HOOK2: variants seen among roughly 807,000 people sequenced by gnomAD.
HOOK2 encodes the protein hook microtubule tethering protein 2.
In HOOK2, 108 loss-of-function variants were observed where a neutral mutation model predicts 111.9. The observed-to-expected ratio is 0.96, with a 90% CI of 0.83 to 1.13. The LOEUF (loss-of-function observed/expected upper bound fraction) is 1.13, where lower values mean the gene tolerates loss of function less well. Ranked by LOEUF, HOOK2 falls within the 50% of genes most tolerant of loss-of-function variation. HOOK2 has a pLI of 0.00. For missense variants in HOOK2, 978 were observed against 951.3 expected (o/e 1.03, Z -0.37); for synonymous variants, 405 against 394.3 (o/e 1.03, Z -0.32).
intron 3 of HOOK2, 116 bp downstream of exon 3, chr19:12,774,553 T>G: frequency 1.0e-6 from 1 of 972,548 alleles, no homozygotes; most frequent in Non-Finnish European, 1.6e-6. Context: ...GAACAAATGG[T>G]TGATCACCAG....
intron 11 of HOOK2, among the ~76,000 whole-genome samples, chr19:12,769,519 C>T (rs1968251432): frequency 1.3e-5 from 2 of 152,034 alleles, no homozygotes; most frequent in Admixed American, 1.3e-4. Context: ...AAATCCTGGG[C>T]TCAAGTGATC....
Position 12,791,487 on chromosome 19 carries a change from G to A in HOOK2, n.42-17262C>T. 1 of 380,822 alleles carries A rather than the reference G, an allele frequency of 2.6e-6. No homozygotes were observed. Among genetic ancestry groups the A allele is most frequent in the Non-Finnish European group, 4.7e-6 (1 of 211,442 alleles). The allele number at this position is 380,822 out of a possible 1,614,324, so 23.6% of individuals were successfully genotyped here. A position where few individuals can be genotyped will look rare whatever the true frequency, so the allele number is the denominator to read the frequency against. On this transcript the variant is annotated intron_variant and non_coding_transcript_variant, in intron 3 of 3. Transcript: ENST00000589765. This position sits in a 1 kb window ranked among gnomAD's most constrained non-coding sequence, Gnocchi z 7.0. Reference sequence around the variant, plus strand: ...GCGTGTGGCTCAGGCTGAGCGGCTGGGACCTTGAGAGCGGCCAGGCCAGCC... The same window carrying A: ...GCGTGTGGCTCAGGCTGAGCGGCTGAGACCTTGAGAGCGGCCAGGCCAGCC...
At position 12,765,947 on chromosome 19, in the gene HOOK2, G is replaced by A. The variant is rs1968133071; in HGVS notation, c.1579C>T (p.Gln527Ter). Reference sequence around the variant, plus strand: ...CTCACATCTTCAGTCTTGCCCCCCTGCTCCTGCAGGGCTTTCTGCAGGTCC... The same window carrying A: ...CTCACATCTTCAGTCTTGCCCCCCTACTCCTGCAGGGCTTTCTGCAGGTCC... ...VEDLQKALQE[Q>*]GGKTEDAISI... is the part of the protein sequence containing the mutation. The change falls in exon 16 of 23, where the codon CAG becomes TAG. Residue 527 changes from glutamine to a stop codon, truncating the protein, a stop_gained. Coordinates refer to ENST00000397668, the MANE Select transcript of HOOK2 (RefSeq NM_013312.3). LOFTEE classifies it high-confidence loss of function. 6.2e-7 allele frequency: 1 copy of A among 1,613,960 alleles called. No individual in the cohort carries two copies. Among genetic ancestry groups the A allele is most frequent in the Non-Finnish European group, 8.5e-7 (1 of 1,179,976 alleles).
Position 12,763,257 on chromosome 19 carries a change from C to T in HOOK2, c.*25G>A. ...GGAGGAAGCCAGGGTGGGTGGAGCCCAGGCTGGCTTGATTGTGAGGTCTGT... is the reference window on the plus strand; with the variant it reads ...GGAGGAAGCCAGGGTGGGTGGAGCCTAGGCTGGCTTGATTGTGAGGTCTGT... On this transcript the variant is annotated 3_prime_UTR_variant, in exon 23 of 23. Transcript: ENST00000397668. 1 of 1,605,310 alleles carries T rather than the reference C, an allele frequency of 6.2e-7. No homozygotes were observed.
At chr19:12,767,597 G>A (rs913266971) in intron 13 of HOOK2, 133 bp from the exon 14 acceptor site, 75 of 899,188 alleles carry the variant, frequency 8.3e-5, no homozygotes, top group Middle Eastern at 4.5e-4. Flanking sequence ...CTCCATCCCC[G>A]GCTTGATAGA....
chr19:12,773,255 G>A (rs1196088205), intron 3 of HOOK2: 1 of 347,252 alleles, frequency 2.9e-6, no homozygotes, highest in Non-Finnish European at 5.0e-6. Flanking sequence ...TTTTTTTTTT[G>A]CTTTAGCTTT....
At chr19:12,768,539 G>A (rs145111306) in intron 11 of HOOK2, among the ~76,000 whole-genome samples, 2,201 of 152,280 alleles carry the variant, frequency 0.014, 21 homozygotes, top group Non-Finnish European at 0.023. Context: ...ACTAGGCTAA[G>A]GTAAGTTTTC....
intron 20 of HOOK2, chr19:12,764,277 G>T (rs1283404378): frequency 6.3e-6 from 1 of 158,298 alleles, no homozygotes; most frequent in Non-Finnish European, 1.4e-5. Flanking sequence ...GCCTCCCAAA[G>T]TGCTGGGATT....
chr19:12,767,595 C>A (rs1968192444), intron 13 of HOOK2, 131 bp from the exon 14 acceptor site: 3 of 912,486 alleles, frequency 3.3e-6, no homozygotes, highest in Non-Finnish European at 5.2e-6. Flanking sequence ...AGCTCCATCC[C>A]CGGCTTGATA....
At chr19:12,770,115 G>A in intron 10 of HOOK2, 33 bp from the exon 11 acceptor site, 2 of 1,458,540 alleles carry the variant, frequency 1.4e-6, no homozygotes, top group Non-Finnish European at 9.1e-7. Context: ...GGAGGGCTGA[G>A]AGCTCTGATC....
Position 12,765,826 on chromosome 19 carries a change from T to TA in HOOK2, c.1605+2dup, listed in dbSNP as rs1968128850. ...GGTGCCATCCTGGGCCCATGGTACTTACAATGGCCTGTATGGGGCATCGGG... is the reference window on the plus strand; with the variant it reads ...GGTGCCATCCTGGGCCCATGGTACTTAACAATGGCCTGTATGGGGCATCGGG... On this transcript the variant is annotated splice_region_variant and intron_variant, in intron 17 of 22. Transcript: ENST00000397668. The TA allele has an allele frequency of 6.2e-7, 1 of 1,612,418 alleles. No individual in the cohort carries two copies. The highest frequency in any genetic ancestry group is 1.1e-5 in the South Asian group (1 of 91,054).
At chr19:12,783,822 G>A (rs1968630347) in intron 3 of HOOK2, among the ~76,000 whole-genome samples, 1 of 152,198 alleles carries the variant, frequency 6.6e-6, no homozygotes, top group African/African-American at 2.4e-5. Flanking sequence ...AGGGTGCCCA[G>A]CAGAAGCGAG....
chr19:12,775,727 C>T, upstream of HOOK2: 1 of 344,768 alleles, frequency 2.9e-6, no homozygotes, highest in Admixed American at 5.0e-5. Flanking sequence ...CCTGGCCCAG[C>T]CTTGTGCATC....
chr19:12,775,004 C>T, intron 1 of HOOK2, 107 bp from the exon 2 acceptor site: 2 of 1,191,030 alleles, frequency 1.7e-6, no homozygotes, highest in South Asian at 1.3e-5. Context: ...GTGGGGCGGG[C>T]GCTGCTCCGC....
chr19:12,767,940 G>C, intron 12 of HOOK2, 37 bp from the exon 13 acceptor site: 1 of 1,610,766 alleles, frequency 6.2e-7, no homozygotes, highest in Non-Finnish European at 8.5e-7. Flanking sequence ...CACGGGTCAG[G>C]CTCGGCCTCC....
intron 3 of HOOK2, among the ~76,000 whole-genome samples, chr19:12,788,471 A>G (rs1968676129): frequency 6.6e-6 from 1 of 152,138 alleles, no homozygotes; most frequent in African/African-American, 2.4e-5. Flanking sequence ...TCTGCGTGAC[A>G]CTAACCTTGA....
At position 12,791,706 on chromosome 19, in the gene HOOK2, C is replaced by T; in HGVS notation, n.42-17481G>A. The T allele has an allele frequency of 8.1e-7, 1 of 1,234,616 alleles. No individual in the cohort carries two copies. The highest frequency in any genetic ancestry group is 1.1e-6 in the Non-Finnish European group (1 of 897,692). The allele number at this position is 1,234,616 out of a possible 1,614,324, so 76.5% of individuals were successfully genotyped here. A position where few individuals can be genotyped will look rare whatever the true frequency, so the allele number is the denominator to read the frequency against. On this transcript the variant is annotated intron_variant and non_coding_transcript_variant, in intron 3 of 3. Coordinates refer to the HOOK2 transcript ENST00000589765. This position sits in a 1 kb window ranked among gnomAD's most constrained non-coding sequence, Gnocchi z 7.0. ...CCGGTCACCGCAGCGGAGAGCTCGCCGCTCGCTGCAGCGAGGCCCGGAGCG... is the reference window on the plus strand; with the variant it reads ...CCGGTCACCGCAGCGGAGAGCTCGCTGCTCGCTGCAGCGAGGCCCGGAGCG...
At chr19:12,764,112 T>A (rs1316752739) in intron 20 of HOOK2, among the ~76,000 whole-genome samples, 1 of 152,138 alleles carries the variant, frequency 6.6e-6, no homozygotes, top group Non-Finnish European at 1.5e-5. Flanking sequence ...CCTCCCGGGT[T>A]CAAGTGATTC....
chr19:12,766,113 TCTCCAACCCGTGGCG>T lies in HOOK2; in HGVS notation c.1486_1500del (p.Arg496_Glu500del). ...TCCCCAGGCGCTCACCGGTGCTGCG[TCTCCAACCCGTGGCG>T]CGCGCGGTTGGCATCCTCCAGGTGG... On this transcript the variant is annotated inframe_deletion, in exon 15 of 23. Coordinates refer to ENST00000397668, the MANE Select transcript of HOOK2 (RefSeq NM_013312.3). The T allele has an allele frequency of 6.2e-7, 1 of 1,602,552 alleles. No individual in the cohort carries two copies. The highest frequency in any genetic ancestry group is 8.5e-7 in the Non-Finnish European group (1 of 1,178,730).
Sources: gnomAD v4.1 joint callset for allele counts (sites outside exome capture counted in the v4.1 genomes callset) on GRCh38, gnomAD v4.1.1 for gene constraint, Gnocchi (gnomAD v3.1) non-coding constraint, MANE v1.5 for transcripts, NCBI Gene and HGNC (gene_info 2026-07-23, HGNC 2026-07-21) for gene names.